Variants in GALNT2 observed in about 807,000 individuals in gnomAD.
GALNT2 encodes UDP-GalNAc:polypeptide N-acetylgalactosaminyltransferase 2.
GALNT2 carries 31 observed loss-of-function variants against 81.4 expected under a neutral mutation model. That is an observed-to-expected ratio of 0.38 (90% CI 0.29 to 0.51). GALNT2 has a LOEUF of 0.51. GALNT2 is among the 20% of genes least tolerant of loss of function. The pLI, the probability that GALNT2 is intolerant of heterozygous loss-of-function variation, is 0.87. For missense variants in GALNT2, 629 were observed against 765.7 expected (o/e 0.82, Z 2.11); for synonymous variants, 303 against 287.4 (o/e 1.05, Z -0.55).
intron 6 of GALNT2, among the ~76,000 whole-genome samples, chr1:230,241,554 C>T (rs1426135908): frequency 6.6e-6 from 1 of 152,068 alleles, no homozygotes; most frequent in Non-Finnish European, 1.5e-5. Flanking sequence ...TCAAGCAATT[C>T]TCCTACCTCA....
intron 1 of GALNT2, among the ~76,000 whole-genome samples, chr1:230,068,868 A>G (rs1659288451): frequency 6.6e-6 from 1 of 152,176 alleles, no homozygotes; most frequent in Admixed American, 6.5e-5. Context: ...GTACGCGAAG[A>G]CTTGGTTTAT....
At chr1:230,127,955 G>A (rs542212298) in intron 1 of GALNT2, among the ~76,000 whole-genome samples, 37 of 152,210 alleles carry the variant, frequency 2.4e-4, no homozygotes, top group Non-Finnish European at 4.7e-4. Flanking sequence ...TGCCCTCTGA[G>A]GAGCCATCTA....
At chr1:230,066,327 AT>A (rs1659180870), upstream of GALNT2, among the ~76,000 whole-genome samples, 1 of 152,276 alleles carries the variant, frequency 6.6e-6, no homozygotes. Context: ...GTTTTCTTGT[AT>A]CGTTAAAGAT....
intron 1 of GALNT2, among the ~76,000 whole-genome samples, chr1:230,150,499 C>T (rs964109086): frequency 7.2e-5 from 11 of 152,194 alleles, no homozygotes; most frequent in South Asian, 2.1e-4. Flanking sequence ...TGTTTTTGTC[C>T]GCAACCTTTG....
intron 3 of GALNT2, among the ~76,000 whole-genome samples, chr1:230,209,434 T>C (rs1664165593): frequency 1.3e-5 from 2 of 152,156 alleles, no homozygotes; most frequent in Admixed American, 1.3e-4. Context: ...TTCCCTACCA[T>C]GTGAGCACAC....
At chr1:230,153,415 C>T (rs1029372435) in intron 1 of GALNT2, among the ~76,000 whole-genome samples, 7 of 152,286 alleles carry the variant, frequency 4.6e-5, no homozygotes, top group Admixed American at 1.3e-4. Context: ...CAGCCTTCAA[C>T]ATTTTAAGGG....
At chr1:230,096,131 C>G (rs1046789682) in intron 1 of GALNT2, among the ~76,000 whole-genome samples, 5 of 152,116 alleles carry the variant, frequency 3.3e-5, no homozygotes, top group Non-Finnish European at 5.9e-5. Context: ...CCAGGCTCAC[C>G]TGGGGGCCCT....
In GALNT2 at chr1:230,185,301, TGC is replaced by T. The variant is rs58067663; in HGVS notation, c.220+6996_220+6997del. On this transcript the variant is annotated intron_variant, in intron 2 of 15. Transcript: ENST00000366672. ...GTGTGTGTGTGTGTGTGTGTGTGTG[TGC>T]GCGCGTGTGTGTGTGTGTTTAACCT... Among the ~76,000 whole-genome samples the T allele has an allele frequency of 7.3e-3, 918 of 126,108 alleles. 1 individual carries two copies. Among genetic ancestry groups the T allele is most frequent in the Middle Eastern group, 0.016 (4 of 250 alleles). 82.7% of individuals were successfully genotyped at this position (126,108 alleles called of 152,430 possible). A position where few individuals can be genotyped will look rare whatever the true frequency, so the allele number is the denominator to read the frequency against.
rs1431505834 is a variant in GALNT2 at position 230,275,409 on chromosome 1, G to A, written c.1560+845G>A. ...GTATACACGCCACATATATACATAT[G>A]TAAACACCACATATATACACACCAC... is the stretch of plus-strand genomic sequence containing the variant. On this transcript the variant is annotated intron_variant, in intron 15 of 15. Transcript: ENST00000366672. The surrounding 1 kb of genome is among the most constrained non-coding windows in gnomAD (Gnocchi z 5.5). 1.4e-5 allele frequency among the ~76,000 whole-genome samples: 2 copies of A among 146,060 alleles called. No homozygotes were observed. Among genetic ancestry groups the A allele is most frequent in the African/African-American group, 2.5e-5 (1 of 39,314 alleles).
At chr1:230,084,053 C>T (rs1659828246) in intron 1 of GALNT2, among the ~76,000 whole-genome samples, 1 of 152,204 alleles carries the variant, frequency 6.6e-6, no homozygotes, top group African/African-American at 2.4e-5. Context: ...TTGTATGTCA[C>T]TTTGGACACC....
intron 3 of GALNT2, among the ~76,000 whole-genome samples, chr1:230,221,351 C>G (rs548386273): frequency 3.3e-4 from 50 of 152,222 alleles, no homozygotes; most frequent in African/African-American, 1.2e-3. Context: ...TTCGAATAAC[C>G]TCCTTGCTTA....
chr1:230,195,939 G>A (rs1663682123), intron 2 of GALNT2, among the ~76,000 whole-genome samples: 1 of 152,190 alleles, frequency 6.6e-6, no homozygotes, highest in Admixed American at 6.5e-5. Flanking sequence ...TCCTGAGCAG[G>A]GGGCAGATGT....
At chr1:230,219,449 T>C (rs1433723980) in intron 3 of GALNT2, among the ~76,000 whole-genome samples, 4 of 151,966 alleles carry the variant, frequency 2.6e-5, no homozygotes, top group Non-Finnish European at 2.9e-5. Flanking sequence ...GGCATCCCTC[T>C]CAAATTAACC....
chr1:230,097,526 TTAACATAATGTCCTC>T (rs1660287727), intron 1 of GALNT2, among the ~76,000 whole-genome samples: 1 of 152,242 alleles, frequency 6.6e-6, no homozygotes, highest in East Asian at 1.9e-4. Context: ...CTCATTTCAC[TTAACATAATGTCCTC>T]AAGATTCATC....
At chr1:230,092,597 G>A (rs899173109) in intron 1 of GALNT2, among the ~76,000 whole-genome samples, 1 of 152,036 alleles carries the variant, frequency 6.6e-6, no homozygotes, top group African/African-American at 2.4e-5. Flanking sequence ...GCCTGCCTCG[G>A]CCTCCCAAAG....
chr1:230,107,631 T>C (rs1208763287), intron 1 of GALNT2, among the ~76,000 whole-genome samples: 1 of 151,728 alleles, frequency 6.6e-6, no homozygotes, highest in African/African-American at 2.4e-5. Flanking sequence ...TGTGTGTGTG[T>C]GTGTGTGTGT....
chr1:230,130,079 G>A lies in GALNT2; in HGVS notation c.127-48139G>A, dbSNP rs1447342426. 2.0e-5 allele frequency among the ~76,000 whole-genome samples: 3 copies of A among 152,198 alleles called. No homozygotes were observed. In the East Asian group the frequency reaches 5.8e-4, roughly 29 times the overall value. On this transcript the variant is annotated intron_variant, in intron 1 of 15. Transcript: ENST00000366672. Reference sequence around the variant, plus strand: ...TCTACCATCCCTGCAGTCCTCTCTTGTCTCTGAAGCTTTGAGTGAGCTGAT... The same window carrying A: ...TCTACCATCCCTGCAGTCCTCTCTTATCTCTGAAGCTTTGAGTGAGCTGAT...
At chr1:230,206,776 A>G (rs1221365503) in intron 3 of GALNT2, among the ~76,000 whole-genome samples, 1 of 152,336 alleles carries the variant, frequency 6.6e-6, no homozygotes, top group African/African-American at 2.4e-5. Flanking sequence ...TTGGAGTCCT[A>G]CAGACCTGGG....
At chr1:230,145,611 T>G (rs1011308811) in intron 1 of GALNT2, among the ~76,000 whole-genome samples, 1 of 152,222 alleles carries the variant, frequency 6.6e-6, no homozygotes, top group Non-Finnish European at 1.5e-5. Context: ...TTCTTTTGCC[T>G]TTTGAGATTC....
Sources: gnomAD v4.1 joint callset for allele counts (sites outside exome capture counted in the v4.1 genomes callset) on GRCh38, gnomAD v4.1.1 for gene constraint, Gnocchi (gnomAD v3.1) non-coding constraint, MANE v1.5 for transcripts, NCBI Gene and HGNC (gene_info 2026-07-23, HGNC 2026-07-21) for gene names.